The following EPHA3 variants were observed in gnomAD, a reference collection of about 807,000 sequenced individuals.
EPHA3 encodes ephrin type-A receptor 3.
Under a neutral mutation model 107.1 loss-of-function variants are expected in EPHA3, and 42 were observed. The observed-to-expected ratio is 0.39, with a 90% CI of 0.31 to 0.51. The LOEUF is 0.51. EPHA3 is among the 20% of genes least tolerant of loss of function. The pLI, the probability that EPHA3 is intolerant of heterozygous loss-of-function variation, is 0.78. For synonymous variants in EPHA3, 461 were observed against 424.8 expected (o/e 1.09, Z -1.05); for missense variants, 1,183 against 1,211.2 (o/e 0.98, Z 0.35).
chr3:89,460,388 A>G (rs1329184271), intron 15 of EPHA3, among the ~76,000 whole-genome samples: 3 of 152,168 alleles, frequency 2.0e-5, no homozygotes, highest in African/African-American at 7.2e-5. Flanking sequence ...ATTTAATAAT[A>G]TTTAGAACAA....
intron 2 of EPHA3, among the ~76,000 whole-genome samples, chr3:89,197,337 G>GATTAT (rs1245730109): frequency 7.3e-5 from 11 of 151,582 alleles, no homozygotes; most frequent in African/African-American, 2.7e-4. Context: ...TGTTAGAAAG[G>GATTAT]TGCTATTATT....
intron 3 of EPHA3, among the ~76,000 whole-genome samples, chr3:89,243,384 G>T (rs1168641808): frequency 6.6e-6 from 1 of 152,124 alleles, no homozygotes; most frequent in Non-Finnish European, 1.5e-5. Flanking sequence ...GTGTAAAAGT[G>T]TTCCTATTTC....
Position 89,419,302 on chromosome 3 carries a change from G to A in EPHA3, c.1986G>A (p.Lys662=), listed in dbSNP as rs146238137. The stretch of plus-strand genomic sequence containing the variant: ...CCCTGAAAGTTGGCTACACAGAAAA[G>A]CAGAGGAGAGACTTCCTGGGAGAAG... ...IKTLKVGYTE[K]QRRDFLGEAS... is the part of the protein sequence containing the mutation. The change falls in exon 11 of 17, where the codon AAG becomes AAA. Residue 662 remains lysine, a synonymous_variant. Coordinates refer to ENST00000336596, the MANE Select transcript of EPHA3 (RefSeq NM_005233.6). 8 of 1,610,610 alleles carry A rather than the reference G, an allele frequency of 5.0e-6. No homozygotes were observed. In the African/African-American group the frequency reaches 1.1e-4, roughly 22 times the overall value.
intron 3 of EPHA3, among the ~76,000 whole-genome samples, chr3:89,223,557 G>A (rs150008578): frequency 1.1e-3 from 160 of 152,300 alleles, no homozygotes; most frequent in Non-Finnish European, 1.6e-3. Flanking sequence ...GTTTCTGTAC[G>A]TTCCTAGACT....
chr3:89,337,923 C>T (rs1413310710), intron 3 of EPHA3, among the ~76,000 whole-genome samples: 1 of 152,190 alleles, frequency 6.6e-6, no homozygotes, highest in Non-Finnish European at 1.5e-5. Context: ...ACAGAAAACA[C>T]ATCATGCTGA....
chr3:89,178,803 TAAAAG>T (rs1287778874), intron 2 of EPHA3, among the ~76,000 whole-genome samples: 1 of 151,864 alleles, frequency 6.6e-6, no homozygotes, highest in Non-Finnish European at 1.5e-5. Context: ...TTTTTATGGG[TAAAAG>T]AAAAGTGTTT....
intron 5 of EPHA3, among the ~76,000 whole-genome samples, chr3:89,373,827 T>A (rs1400176026): frequency 6.6e-6 from 1 of 151,894 alleles, no homozygotes; most frequent in Non-Finnish European, 1.5e-5. Context: ...AACATAGAAC[T>A]AAATTGCATT....
chr3:89,380,148 A>C (rs1708472723), intron 5 of EPHA3, among the ~76,000 whole-genome samples: 1 of 152,170 alleles, frequency 6.6e-6, no homozygotes, highest in East Asian at 1.9e-4. Context: ...CACCATATTA[A>C]AAAAATTTTG....
chr3:89,188,334 T>C (rs1417881247), intron 2 of EPHA3, among the ~76,000 whole-genome samples: 1 of 152,184 alleles, frequency 6.6e-6, no homozygotes, highest in Non-Finnish European at 1.5e-5. Context: ...TTGCTCATCT[T>C]GCAGAAGTAT....
intron 1 of EPHA3, among the ~76,000 whole-genome samples, chr3:89,117,631 C>T (rs949676065): frequency 6.6e-6 from 1 of 152,012 alleles, no homozygotes; most frequent in African/African-American, 2.4e-5. Flanking sequence ...GTATTGTCCT[C>T]TTACAAAACT....
intron 3 of EPHA3, among the ~76,000 whole-genome samples, chr3:89,282,603 A>T (rs1705974884): frequency 6.6e-6 from 1 of 151,894 alleles, no homozygotes; most frequent in South Asian, 2.1e-4. Flanking sequence ...ATTTTATTTG[A>T]TTGCATACCA....
intron 3 of EPHA3, among the ~76,000 whole-genome samples, chr3:89,249,934 A>C (rs1398854920): frequency 6.6e-6 from 1 of 152,206 alleles, no homozygotes; most frequent in East Asian, 1.9e-4. Flanking sequence ...TCTGATAGAT[A>C]CACAATTAAT....
chr3:89,140,204 T>A (rs1367939988), intron 2 of EPHA3, among the ~76,000 whole-genome samples: 2 of 151,886 alleles, frequency 1.3e-5, no homozygotes, highest in Admixed American at 6.6e-5. Flanking sequence ...CTAAATCTGC[T>A]TGCATTGAAA....
intron 2 of EPHA3, among the ~76,000 whole-genome samples, chr3:89,167,678 G>A (rs773149114): frequency 3.3e-5 from 5 of 152,026 alleles, no homozygotes; most frequent in Admixed American, 6.6e-5. Context: ...AGAATTTCAA[G>A]GGTTCCTTCC....
chr3:89,412,378 C>T (rs1052646314), intron 9 of EPHA3, among the ~76,000 whole-genome samples: 1 of 151,352 alleles, frequency 6.6e-6, no homozygotes, highest in African/African-American at 2.4e-5. Context: ...ACATATATGA[C>T]TTACGTTTGG....
chr3:89,179,994 A>T (rs1194994524), intron 2 of EPHA3, among the ~76,000 whole-genome samples: 2 of 151,950 alleles, frequency 1.3e-5, no homozygotes, highest in Non-Finnish European at 2.9e-5. Flanking sequence ...GCAGAAATAC[A>T]ACTCAAGTGC....
intron 2 of EPHA3, among the ~76,000 whole-genome samples, chr3:89,202,370 G>C (rs1705987955): frequency 1.3e-5 from 2 of 151,182 alleles, no homozygotes; most frequent in Admixed American, 1.3e-4. Flanking sequence ...ATAAAAAGTA[G>C]CTGGGCATGG....
intron 3 of EPHA3, among the ~76,000 whole-genome samples, chr3:89,299,476 A>G (rs1395800047): frequency 1.3e-5 from 2 of 151,924 alleles, no homozygotes; most frequent in South Asian, 2.1e-4. Flanking sequence ...AAATAAAAGA[A>G]CCCAGGAAAA....
chr3:89,467,360 A>C (rs1710304300), intron 15 of EPHA3, among the ~76,000 whole-genome samples: 2 of 152,228 alleles, frequency 1.3e-5, no homozygotes, highest in African/African-American at 4.8e-5. Flanking sequence ...AATAAAAAAT[A>C]ATTATAATGT....
Sources: allele counts gnomAD v4.1 joint callset (sites outside exome capture counted in the v4.1 genomes callset), GRCh38; gene constraint gnomAD v4.1.1; transcripts MANE v1.5; gene names NCBI Gene and HGNC (gene_info 2026-07-23, HGNC 2026-07-21).